Variants in LRRC20 observed in about 807,000 individuals in gnomAD.
LRRC20 encodes the protein leucine rich repeat containing 20.
In LRRC20, 11 loss-of-function variants were observed where a neutral mutation model predicts 14.4. That is an observed-to-expected ratio of 0.77 (90% CI 0.48 to 1.27). The LOEUF (loss-of-function observed/expected upper bound fraction) is 1.27. Among genes scored for constraint, LRRC20 ranks in the 50% most tolerant of loss-of-function variants. The pLI, the probability that LRRC20 is intolerant of heterozygous loss-of-function variation, is 0.00. For missense variants in LRRC20, 219 were observed against 251.2 expected, an observed-to-expected ratio of 0.87 and a Z score of 0.87; for synonymous variants, 121 against 107.3, an observed-to-expected ratio of 1.13 and a Z score of -0.79.
intron 2 of LRRC20, among the ~76,000 whole-genome samples, chr10:70,345,133 A>G (rs1843030531): frequency 6.6e-6 from 1 of 152,212 alleles, no homozygotes; most frequent in South Asian, 2.1e-4. Flanking sequence ...ATTAAAACAG[A>G]GGGCAAAATG....
At chr10:70,313,887 G>A (rs975120040) in intron 4 of LRRC20, among the ~76,000 whole-genome samples, 1 of 152,126 alleles carries the variant, frequency 6.6e-6, no homozygotes, top group Admixed American at 6.6e-5. Flanking sequence ...CACCTGGACC[G>A]GTATATTAGT....
At chr10:70,305,902 G>A (rs1157652182) in intron 4 of LRRC20, among the ~76,000 whole-genome samples, 3 of 151,938 alleles carry the variant, frequency 2.0e-5, no homozygotes, top group Admixed American at 6.6e-5. Context: ...CACCACGCCC[G>A]GCTAATTTTT....
chr10:70,381,950 GCCCCGCGTGCCAGGATCCGCCTCAC>G (rs1368379040), intron 1 of LRRC20: 1 of 152,286 alleles, frequency 6.6e-6, no homozygotes, highest in African/African-American at 2.4e-5. Context: ...GGGTCCCCCA[GCCCCGCGTGCCAGGATCCGCCTCAC>G]CCCCGGTGCC....
intron 4 of LRRC20, among the ~76,000 whole-genome samples, chr10:70,303,546 T>C (rs913920456): frequency 3.3e-5 from 5 of 152,192 alleles, no homozygotes; most frequent in African/African-American, 1.2e-4. Context: ...CGTGTAGAAT[T>C]TGGAAATCAA....
intron 4 of LRRC20, among the ~76,000 whole-genome samples, chr10:70,320,540 C>T (rs1435674521): frequency 6.6e-6 from 1 of 152,194 alleles, no homozygotes; most frequent in Non-Finnish European, 1.5e-5. Flanking sequence ...CCTATCATGT[C>T]TCACTTATTT....
chr10:70,332,328 C>T (rs560539910), intron 3 of LRRC20, among the ~76,000 whole-genome samples: 1 of 152,316 alleles, frequency 6.6e-6, no homozygotes, highest in Non-Finnish European at 1.5e-5. Flanking sequence ...AAATGAAGTA[C>T]TAAACATTCT....
chr10:70,319,244 A>G (rs1841988415), intron 4 of LRRC20, among the ~76,000 whole-genome samples: 1 of 152,168 alleles, frequency 6.6e-6, no homozygotes, highest in Non-Finnish European at 1.5e-5. Flanking sequence ...CTTAACTGAA[A>G]TAATAGTCTC....
chr10:70,309,390 C>T (rs78094689), intron 4 of LRRC20, among the ~76,000 whole-genome samples: 2,542 of 152,272 alleles, frequency 0.017, 98 homozygotes, highest in African/African-American at 0.058. Flanking sequence ...AAGGTTGCCA[C>T]GCCAGTAAGT....
rs1246106075 is a variant in LRRC20, at chr10:70,372,037, C to T, written c.82+4415G>A. ...CAGTCTCTACAGGGGATCTCCCACT[C>T]TGCAGCAGCACCTGTGGCTCTGGAG... On this transcript the variant is annotated intron_variant, in intron 2 of 4. Coordinates refer to ENST00000446961, the MANE Select transcript of LRRC20 (RefSeq NM_001278212.2). 2.6e-5 allele frequency among the ~76,000 whole-genome samples: 4 copies of T among 152,030 alleles called. No homozygotes were observed. In the East Asian group the frequency reaches 7.8e-4, roughly 30 times the overall value.
intron 2 of LRRC20, among the ~76,000 whole-genome samples, chr10:70,352,023 T>C (rs531920027): frequency 6.6e-6 from 1 of 152,250 alleles, no homozygotes; most frequent in South Asian, 2.1e-4. Context: ...TATTATAGGG[T>C]GTACTTAGTA....
At position 70,329,369 on chromosome 10, in the gene LRRC20, T is replaced by C. The variant is rs577119881; in HGVS notation, c.233-5339A>G. On this transcript the variant is annotated intron_variant, in intron 3 of 4. Transcript: ENST00000446961. ...GTGGTTAGAACTTTAAGGATGAGAG[T>C]GGACATCCTTGCCTTGTTCCCAGCT... is the stretch of plus-strand genomic sequence containing the variant. Among the ~76,000 whole-genome samples, 308 of 152,206 alleles carry C rather than the reference T, an allele frequency of 2.0e-3. 1 individual carries two copies. Among genetic ancestry groups the C allele is most frequent in the Admixed American group, 3.6e-3 (55 of 15,300 alleles).
intron 3 of LRRC20, among the ~76,000 whole-genome samples, chr10:70,336,578 C>T (rs1325347153): frequency 6.6e-6 from 1 of 152,206 alleles, no homozygotes; most frequent in African/African-American, 2.4e-5. Context: ...AGCCAATATG[C>T]CCTCCTTGTC....
chr10:70,328,038 G>A (rs1308647567), intron 3 of LRRC20, among the ~76,000 whole-genome samples: 1 of 152,166 alleles, frequency 6.6e-6, no homozygotes, highest in African/African-American at 2.4e-5. Flanking sequence ...AACCAGGAAG[G>A]ACCTGGTTAT....
rs572643680 is a variant in LRRC20, at chr10:70,357,347, G to A, written c.83-16645C>T. ...GCATTGTATATTTTAAAATGTAAAC[G>A]TTACAGTATTTGAATATACCTCAAA... On this transcript the variant is annotated intron_variant, in intron 2 of 4. Coordinates refer to ENST00000446961, the MANE Select transcript of LRRC20 (RefSeq NM_001278212.2). Among the ~76,000 whole-genome samples, 81 of 152,244 alleles carry A rather than the reference G, an allele frequency of 5.3e-4. 1 individual carries two copies. Among genetic ancestry groups the A allele is most frequent in the Middle Eastern group, 3.4e-3 (1 of 294 alleles).
chr10:70,323,793 A>G, intron 4 of LRRC20, 70 bp downstream of exon 4: 1 of 1,545,806 alleles, frequency 6.5e-7, no homozygotes. Context: ...GTGAAGGTCG[A>G]CTCCAGAGTC....
Position 70,337,858 on chromosome 10 carries a change from G to A in LRRC20, c.232+2695C>T, listed in dbSNP as rs1295504199. Among the ~76,000 whole-genome samples, 4 of 152,194 alleles carry A rather than the reference G, an allele frequency of 2.6e-5. No homozygotes were observed. The East Asian group carries it at 5.8e-4, about 22-fold the overall frequency. ...GCCTCCGGACCTAGGTCTGGGAGAC[G>A]CAGGTGTTCAAGGGAAGGTCTAATG... is the stretch of plus-strand genomic sequence containing the variant. On this transcript the variant is annotated intron_variant, in intron 3 of 4. Coordinates refer to ENST00000446961, the MANE Select transcript of LRRC20 (RefSeq NM_001278212.2).
intron 4 of LRRC20, among the ~76,000 whole-genome samples, chr10:70,309,969 C>T (rs1841588424): frequency 6.6e-6 from 1 of 152,254 alleles, no homozygotes. Flanking sequence ...GAGCTGGCCT[C>T]TCCAGGGTCT....
chr10:70,368,758 G>A (rs1196199878), intron 2 of LRRC20, among the ~76,000 whole-genome samples: 1 of 152,010 alleles, frequency 6.6e-6, no homozygotes, highest in Admixed American at 6.6e-5. Flanking sequence ...GAGTAGCTGG[G>A]ACTACAGGTG....
intron 2 of LRRC20, among the ~76,000 whole-genome samples, chr10:70,362,830 T>C (rs542232903): frequency 6.6e-6 from 1 of 152,330 alleles, no homozygotes; most frequent in East Asian, 1.9e-4. Context: ...ACTAGTGTTA[T>C]CAACTGAATG....
Sources: gnomAD v4.1 joint callset for allele counts (sites outside exome capture counted in the v4.1 genomes callset) on GRCh38, gnomAD v4.1.1 for gene constraint, MANE v1.5 for transcripts, NCBI Gene and HGNC (gene_info 2026-07-23, HGNC 2026-07-21) for gene names.